The following NRXN3 variants were observed in gnomAD, a reference collection of about 807,000 sequenced individuals.
NRXN3 encodes the protein neurexin 3.
Under a neutral mutation model 137.6 loss-of-function variants are expected in NRXN3, and 32 were observed. The observed-to-expected ratio is 0.23, with a 90% CI of 0.18 to 0.31. The LOEUF (loss-of-function observed/expected upper bound fraction) is 0.31. Ranked by LOEUF, NRXN3 falls within the 10% of genes least tolerant of loss-of-function variation. The probability of loss-of-function intolerance (pLI) is 1.00; values close to 1 mark genes in which losing one functional copy is unlikely to be tolerated. For synonymous variants in NRXN3, 798 were observed against 784.5 expected, an observed-to-expected ratio of 1.02 and a Z score of -0.29; for missense variants, 1,574 against 2,062.5, an observed-to-expected ratio of 0.76 and a Z score of 4.59.
chr14:78,648,398 A>G (rs1365156490), intron 5 of NRXN3, among the ~76,000 whole-genome samples: 1 of 152,228 alleles, frequency 6.6e-6, no homozygotes, highest in Admixed American at 6.5e-5. Context: ...CTTCCCTGCT[A>G]TCCATACAAT....
rs145247742 is a variant in NRXN3, at chr14:79,323,947, G to A, written c.3263-143274G>A. On this transcript the variant is annotated intron_variant, in intron 15 of 20. Coordinates refer to ENST00000335750, the MANE Select transcript of NRXN3 (RefSeq NM_001330195.2). ...GCATATGGAGGTGTTTTTTTCCCCA[G>A]TATGAGGAGAGATCAACAGTAAATA... 1.7e-3 allele frequency among the ~76,000 whole-genome samples: 261 copies of A among 152,236 alleles called. 1 individual carries two copies. The highest frequency in any genetic ancestry group is 2.9e-3 in the Non-Finnish European group (197 of 68,012).
chr14:78,329,249 C>A (rs776986062), intron 4 of NRXN3, among the ~76,000 whole-genome samples: 3 of 152,140 alleles, frequency 2.0e-5, no homozygotes, highest in Non-Finnish European at 4.4e-5. Flanking sequence ...TAAAATCCCA[C>A]TTGCTGTTTC....
chr14:79,589,573 A>C (rs75754377), intron 16 of NRXN3, among the ~76,000 whole-genome samples: 17,171 of 139,052 alleles, frequency 0.12, 1,238 homozygotes, highest in South Asian at 0.22. Context: ...AAAAAAAGGA[A>C]TCAAATAAGG....
At chr14:79,071,944 CCTA>C (rs1246008419) in intron 15 of NRXN3, among the ~76,000 whole-genome samples, 1 of 152,090 alleles carries the variant, frequency 6.6e-6, no homozygotes, top group African/African-American at 2.4e-5. Flanking sequence ...AATATGTACA[CCTA>C]CTATGTACCT....
chr14:78,447,134 A>T (rs1334562262), intron 4 of NRXN3, among the ~76,000 whole-genome samples: 1 of 152,198 alleles, frequency 6.6e-6, no homozygotes, highest in Non-Finnish European at 1.5e-5. Context: ...TACAGTTTCA[A>T]TCACTTGCTG....
intron 8 of NRXN3, among the ~76,000 whole-genome samples, chr14:78,778,728 T>TTCTTTC (rs1245682728): frequency 4.5e-5 from 6 of 134,674 alleles, no homozygotes; most frequent in Admixed American, 1.5e-4. Context: ...CTTTCTTTCT[T>TTCTTTC]TCTCTCTCTC....
chr14:79,320,842 CTT>C (rs879619303), intron 15 of NRXN3, among the ~76,000 whole-genome samples: 11 of 138,448 alleles, frequency 7.9e-5, no homozygotes, highest in Non-Finnish European at 1.3e-4. Context: ...TTAGCAAGGA[CTT>C]TTTTTTTTTT....
intron 15 of NRXN3, chr14:79,280,127 T>G (rs1250677516): frequency 1.0e-4 from 149 of 1,463,412 alleles, no homozygotes; most frequent in Non-Finnish European, 1.3e-4. Flanking sequence ...TAAGTAGTAA[T>G]TTTTTAACTG....
intron 4 of NRXN3, among the ~76,000 whole-genome samples, chr14:78,620,143 C>T (rs1275314990): frequency 6.6e-6 from 1 of 152,160 alleles, no homozygotes; most frequent in Non-Finnish European, 1.5e-5. Flanking sequence ...CCTGTTTTTA[C>T]ACTCTTGAGA....
chr14:79,743,179 A>G (rs2098968482), intron 19 of NRXN3, among the ~76,000 whole-genome samples: 1 of 152,204 alleles, frequency 6.6e-6, no homozygotes, highest in South Asian at 2.1e-4. Context: ...GGTATTTTAA[A>G]GGAATATATT....
intron 15 of NRXN3, among the ~76,000 whole-genome samples, chr14:79,181,377 C>T (rs2062909592): frequency 6.6e-6 from 1 of 151,972 alleles, no homozygotes; most frequent in African/African-American, 2.4e-5. Context: ...AGGATCTCCC[C>T]TTAAAGAGCT....
intron 19 of NRXN3, among the ~76,000 whole-genome samples, chr14:79,720,459 G>A (rs1210362723): frequency 6.6e-6 from 1 of 152,026 alleles, no homozygotes; most frequent in African/African-American, 2.4e-5. Context: ...CTCCACAAGT[G>A]GTTTACTTGT....
intron 15 of NRXN3, among the ~76,000 whole-genome samples, chr14:79,196,987 C>G (rs1007104825): frequency 1.3e-5 from 2 of 152,102 alleles, no homozygotes; most frequent in Admixed American, 1.3e-4. Context: ...GTCTGGGGGT[C>G]AGTTGAGGTT....
intron 15 of NRXN3, among the ~76,000 whole-genome samples, chr14:79,094,615 C>G (rs74581131): frequency 0.061 from 9,357 of 152,150 alleles, 881 homozygotes; most frequent in African/African-American, 0.2. Flanking sequence ...TGACGGCAGT[C>G]TGTTCAATAT....
rs148604170 is a variant in NRXN3 at position 78,490,253 on chromosome 14, G to A, written c.758-154867G>A. 7.7e-5 allele frequency among the ~76,000 whole-genome samples: 9 copies of A among 117,616 alleles called. No homozygotes were observed. In the East Asian group the frequency reaches 1.9e-3, roughly 25 times the overall value. The allele number at this position is 117,616 out of a possible 152,430, so 77.2% of individuals were successfully genotyped here. On this transcript the variant is annotated intron_variant, in intron 4 of 20. Transcript: ENST00000335750. Reference sequence around the variant, plus strand: ...ATTACAGGTGTGATCCACCACACCCGGCCTGAGTTTTCTAAACTTCTGGGT... The same window carrying A: ...ATTACAGGTGTGATCCACCACACCCAGCCTGAGTTTTCTAAACTTCTGGGT...
intron 20 of NRXN3, chr14:79,853,501 T>C: frequency 8.1e-7 from 1 of 1,238,888 alleles, no homozygotes; most frequent in Admixed American, 2.0e-5. Flanking sequence ...ATGTGTAGGC[T>C]CATTTGTTTT....
chr14:79,185,794 G>T (rs1271375715), intron 15 of NRXN3, among the ~76,000 whole-genome samples: 2 of 152,078 alleles, frequency 1.3e-5, no homozygotes, highest in Non-Finnish European at 2.9e-5. Context: ...TACTACAGCT[G>T]ACTGAAATTT....
intron 15 of NRXN3, among the ~76,000 whole-genome samples, chr14:79,165,821 T>C (rs1419961322): frequency 6.6e-6 from 1 of 151,978 alleles, no homozygotes; most frequent in Admixed American, 6.6e-5. Context: ...CCACCTTCCC[T>C]CCTGACCATA....
intron 4 of NRXN3, among the ~76,000 whole-genome samples, chr14:78,557,993 T>C (rs978637117): frequency 2.0e-5 from 3 of 152,184 alleles, no homozygotes; most frequent in Non-Finnish European, 4.4e-5. Context: ...ATCATCCCCA[T>C]TTTACAGTTG....
Sources: allele counts gnomAD v4.1 joint callset (sites outside exome capture counted in the v4.1 genomes callset), GRCh38; gene constraint gnomAD v4.1.1; transcripts MANE v1.5; gene names NCBI Gene and HGNC (gene_info 2026-07-23, HGNC 2026-07-21).